Variants in CNTN4 observed in about 807,000 individuals in gnomAD.
The protein encoded by CNTN4 is contactin-4.
Under a neutral mutation model 122.5 loss-of-function variants are expected in CNTN4, and 77 were observed. The ratio of observed to expected loss-of-function variants is 0.63; its 90% CI spans 0.52 to 0.76. The LOEUF (loss-of-function observed/expected upper bound fraction) is 0.76. Among genes scored for constraint, CNTN4 ranks in the 30% least tolerant of loss-of-function variants. The pLI is 0.00. For missense variants in CNTN4, 1,256 were observed against 1,259.1 expected, an observed-to-expected ratio of 1.00 and a Z score of 0.04; for synonymous variants, 512 against 447.0, an observed-to-expected ratio of 1.15 and a Z score of -1.83.
intron 2 of CNTN4, among the ~76,000 whole-genome samples, chr3:2,255,183 T>C (rs372686238): frequency 6.6e-6 from 1 of 152,120 alleles, no homozygotes; most frequent in Admixed American, 6.6e-5. Flanking sequence ...TTAGTCAAAG[T>C]TCAGCTGGGT....
chr3:2,514,406 G>A (rs1047887329), intron 3 of CNTN4, among the ~76,000 whole-genome samples: 3 of 152,048 alleles, frequency 2.0e-5, no homozygotes, highest in Admixed American at 1.3e-4. Flanking sequence ...GGGAGGCTGA[G>A]GTGGGAGGAT....
intron 2 of CNTN4, among the ~76,000 whole-genome samples, chr3:2,121,972 TGAAAC>T: frequency 6.6e-6 from 1 of 151,840 alleles, no homozygotes; most frequent in Non-Finnish European, 1.5e-5. Flanking sequence ...GAGACCACGG[TGAAAC>T]CCCGTCTCTA....
chr3:2,796,005 A>G (rs1004583670), intron 6 of CNTN4, among the ~76,000 whole-genome samples: 1 of 152,220 alleles, frequency 6.6e-6, no homozygotes, highest in Non-Finnish European at 1.5e-5. Flanking sequence ...TTTATTAATC[A>G]CAGAAATATC....
chr3:2,256,044 C>T (rs2040576698), intron 2 of CNTN4, among the ~76,000 whole-genome samples: 1 of 151,780 alleles, frequency 6.6e-6, no homozygotes, highest in Non-Finnish European at 1.5e-5. Context: ...AGACTGCTAG[C>T]CAGACTAATA....
At chr3:2,761,946 G>T (rs1168663176) in intron 6 of CNTN4, among the ~76,000 whole-genome samples, 3 of 152,134 alleles carry the variant, frequency 2.0e-5, no homozygotes, top group Admixed American at 2.0e-4. Context: ...TCAGTATGGA[G>T]ATTTCTTTTG....
intron 2 of CNTN4, among the ~76,000 whole-genome samples, chr3:2,305,659 C>T (rs2042675758): frequency 6.6e-6 from 1 of 151,962 alleles, no homozygotes; most frequent in African/African-American, 2.4e-5. Context: ...GTATGATAAA[C>T]ATAACCTTTT....
intron 3 of CNTN4, among the ~76,000 whole-genome samples, chr3:2,513,115 T>C (rs2076937565): frequency 6.6e-6 from 1 of 152,182 alleles, no homozygotes; most frequent in African/African-American, 2.4e-5. Flanking sequence ...CCCAGGGCTG[T>C]CCTTGCCAAG....
chr3:2,974,529 G>A (rs1693237446), intron 13 of CNTN4, among the ~76,000 whole-genome samples: 1 of 152,162 alleles, frequency 6.6e-6, no homozygotes, highest in Non-Finnish European at 1.5e-5. Flanking sequence ...GGAGCCCAGA[G>A]GGGTTGAGAC....
At chr3:2,465,565 T>C (rs1339440579) in intron 3 of CNTN4, among the ~76,000 whole-genome samples, 1 of 151,998 alleles carries the variant, frequency 6.6e-6, no homozygotes, top group African/African-American at 2.4e-5. Context: ...TAGTCCCAGC[T>C]ACTCAGGAGG....
At chr3:2,821,256 T>G (rs2092864685) in intron 7 of CNTN4, among the ~76,000 whole-genome samples, 1 of 152,076 alleles carries the variant, frequency 6.6e-6, no homozygotes, top group Admixed American at 6.6e-5. Context: ...TGCACCTGGC[T>G]GGCATGCAAG....
At chr3:2,707,040 T>G (rs1289390132) in intron 4 of CNTN4, among the ~76,000 whole-genome samples, 1 of 152,002 alleles carries the variant, frequency 6.6e-6, no homozygotes, top group Non-Finnish European at 1.5e-5. Context: ...TGGCTCATGC[T>G]TGTAGTCCCA....
intron 2 of CNTN4, among the ~76,000 whole-genome samples, chr3:2,291,976 T>G (rs554327059): frequency 1.3e-5 from 2 of 152,154 alleles, no homozygotes; most frequent in Non-Finnish European, 2.9e-5. Flanking sequence ...CCTCAGGTGA[T>G]CCACCCGCCT....
chr3:2,926,292 A>T (rs2094472610), intron 13 of CNTN4, among the ~76,000 whole-genome samples: 1 of 152,180 alleles, frequency 6.6e-6, no homozygotes. Context: ...TTTTTATTTC[A>T]ACTACATATT....
At chr3:2,542,670 A>G (rs1464457106) in intron 3 of CNTN4, among the ~76,000 whole-genome samples, 1 of 152,156 alleles carries the variant, frequency 6.6e-6, no homozygotes, top group Non-Finnish European at 1.5e-5. Flanking sequence ...AACTCACAGC[A>G]TGAGGCTTCT....
intron 23 of CNTN4, among the ~76,000 whole-genome samples, chr3:3,044,762 G>A (rs150527683): frequency 2.6e-5 from 4 of 152,318 alleles, no homozygotes; most frequent in East Asian, 3.9e-4. Flanking sequence ...GACAGTGGGC[G>A]CAGGACAGTG....
chr3:2,822,345 A>G (rs1447691839), intron 7 of CNTN4, among the ~76,000 whole-genome samples: 1 of 152,230 alleles, frequency 6.6e-6, no homozygotes, highest in Admixed American at 6.5e-5. Context: ...GATTAAAAGA[A>G]GTCTCTCAAA....
intron 4 of CNTN4, among the ~76,000 whole-genome samples, chr3:2,650,423 C>T (rs966332040): frequency 6.6e-6 from 1 of 152,090 alleles, no homozygotes; most frequent in Non-Finnish European, 1.5e-5. Context: ...GTTGAAATGA[C>T]AACAAAAGAG....
intron 2 of CNTN4, among the ~76,000 whole-genome samples, chr3:2,124,778 C>T (rs1031429270): frequency 1.3e-5 from 2 of 151,954 alleles, no homozygotes; most frequent in Non-Finnish European, 2.9e-5. Context: ...ACCAACCAAC[C>T]AACAAAAAAG....
intron 3 of CNTN4, among the ~76,000 whole-genome samples, chr3:2,473,399 G>A (rs1298895933): frequency 6.6e-6 from 1 of 151,822 alleles, no homozygotes; most frequent in East Asian, 1.9e-4. Flanking sequence ...TTTTATACTA[G>A]CCATTGTAAA....
Sources: gnomAD v4.1 joint callset for allele counts (sites outside exome capture counted in the v4.1 genomes callset) on GRCh38, gnomAD v4.1.1 for gene constraint, MANE v1.5 for transcripts, NCBI Gene and HGNC (gene_info 2026-07-23, HGNC 2026-07-21) for gene names.